RBMS3: variants seen among roughly 807,000 people sequenced by gnomAD.
RBMS3 encodes the protein RNA-binding motif, single-stranded-interacting protein 3.
A neutral mutation model predicts 66.8 loss-of-function variants in RBMS3; 27 were observed. The ratio of observed to expected loss-of-function variants is 0.40; its 90% CI spans 0.30 to 0.56. The LOEUF (loss-of-function observed/expected upper bound fraction) is 0.56. Ranked by LOEUF, RBMS3 falls within the 20% of genes least tolerant of loss-of-function variation. The pLI is 0.40. For synonymous variants in RBMS3, 188 were observed against 183.0 expected, an observed-to-expected ratio of 1.03 and a Z score of -0.22; for missense variants, 513 against 549.5, an observed-to-expected ratio of 0.93 and a Z score of 0.66.
At chr3:29,852,765 C>T (rs2058968549) in intron 6 of RBMS3, among the ~76,000 whole-genome samples, 1 of 152,124 alleles carries the variant, frequency 6.6e-6, no homozygotes, top group African/African-American at 2.4e-5. Context: ...TCTTCAAAGA[C>T]CTACGAATAG....
At chr3:29,602,897 C>T (rs576724374) in intron 4 of RBMS3, among the ~76,000 whole-genome samples, 2 of 152,100 alleles carry the variant, frequency 1.3e-5, no homozygotes, top group Admixed American at 1.3e-4. Context: ...TTGTCTCCCT[C>T]AGGCCCAAGG....
chr3:29,517,481 C>G (rs971579661), intron 3 of RBMS3, among the ~76,000 whole-genome samples: 43 of 151,938 alleles, frequency 2.8e-4, no homozygotes, highest in Non-Finnish European at 2.9e-5. Flanking sequence ...TGCCACCACG[C>G]CAGGCTAATT....
chr3:29,670,951 C>T (rs2050973660), intron 4 of RBMS3, among the ~76,000 whole-genome samples: 1 of 152,202 alleles, frequency 6.6e-6, no homozygotes, highest in Admixed American at 6.5e-5. Flanking sequence ...AGACTGCCTC[C>T]TCAAGTGAGA....
intron 2 of RBMS3, among the ~76,000 whole-genome samples, chr3:29,488,088 G>C (rs926581697): frequency 2.6e-5 from 4 of 152,210 alleles, no homozygotes; most frequent in Admixed American, 2.6e-4. Context: ...GTGAGAGTCA[G>C]AGCTGGATGC....
intron 4 of RBMS3, among the ~76,000 whole-genome samples, chr3:29,660,277 A>C (rs1267017560): frequency 1.3e-5 from 2 of 151,992 alleles, no homozygotes; most frequent in African/African-American, 2.4e-5. Flanking sequence ...TGCTATATTA[A>C]AATTTTAGTA....
At chr3:29,586,281 A>G (rs760735893) in intron 3 of RBMS3, among the ~76,000 whole-genome samples, 2 of 152,144 alleles carry the variant, frequency 1.3e-5, no homozygotes, top group Non-Finnish European at 2.9e-5. Flanking sequence ...TAGCTAGCTT[A>G]AGGACATACA....
intron 6 of RBMS3, among the ~76,000 whole-genome samples, chr3:29,858,925 C>A (rs1267173533): frequency 6.6e-6 from 1 of 152,160 alleles, no homozygotes; most frequent in Non-Finnish European, 1.5e-5. Context: ...AGTCAAATAG[C>A]TGTTCTCTGC....
intron 2 of RBMS3, among the ~76,000 whole-genome samples, chr3:29,468,719 T>C (rs894724294): frequency 1.4e-4 from 22 of 152,170 alleles, no homozygotes; most frequent in Non-Finnish European, 1.5e-5. Context: ...TTTTCTTTTT[T>C]CTTTTTGTTT....
chr3:29,317,148 A>T (rs1201095031), intron 1 of RBMS3, among the ~76,000 whole-genome samples: 1 of 151,792 alleles, frequency 6.6e-6, no homozygotes, highest in African/African-American at 2.4e-5. Flanking sequence ...TCTAAAAGGA[A>T]GCCTATTCAT....
intron 1 of RBMS3, among the ~76,000 whole-genome samples, chr3:29,295,215 TCTC>T (rs1380171763): frequency 6.7e-6 from 1 of 149,614 alleles, no homozygotes; most frequent in African/African-American, 2.4e-5. Flanking sequence ...TCTGCAGTGT[TCTC>T]CTCTGTCATA....
chr3:29,830,272 G>T (rs112115504), intron 6 of RBMS3, among the ~76,000 whole-genome samples: 1 of 151,856 alleles, frequency 6.6e-6, no homozygotes, highest in African/African-American at 2.4e-5. Flanking sequence ...TAAACATATC[G>T]GTGATCATAA....
chr3:29,443,864 A>C (rs1007656412), intron 2 of RBMS3, among the ~76,000 whole-genome samples: 1 of 152,098 alleles, frequency 6.6e-6, no homozygotes, highest in African/African-American at 2.4e-5. Context: ...GGTTAAGAGA[A>C]AGAGAAATTA....
intron 3 of RBMS3, among the ~76,000 whole-genome samples, chr3:29,526,040 T>A (rs1390778104): frequency 1.3e-5 from 2 of 152,180 alleles, no homozygotes; most frequent in Non-Finnish European, 2.9e-5. Context: ...GGAAATACTT[T>A]AATATTTCCA....
At chr3:29,682,887 A>C (rs1447965349) in intron 4 of RBMS3, among the ~76,000 whole-genome samples, 1 of 152,184 alleles carries the variant, frequency 6.6e-6, no homozygotes, top group African/African-American at 2.4e-5. Flanking sequence ...CAAACGTGTC[A>C]CCATTTGCCT....
intron 13 of RBMS3, among the ~76,000 whole-genome samples, chr3:29,988,677 A>G (rs1698602432): frequency 6.6e-6 from 1 of 152,166 alleles, no homozygotes; most frequent in African/African-American, 2.4e-5. Context: ...AATCCTTGCT[A>G]CTTGAGATGC....
rs145067204 is a variant in RBMS3, at chr3:29,861,609, G to A, written c.638-7249G>A. Among the ~76,000 whole-genome samples the A allele has an allele frequency of 6.3e-3, 964 of 152,222 alleles. 8 individuals carry two copies. The highest frequency in any genetic ancestry group is 0.021 in the African/African-American group (863 of 41,544). ...ATTTTAGTGACTTATCAAACTGCAC[G>A]TATTTTAAATTGTAAACAGAAAATC... On this transcript the variant is annotated intron_variant, in intron 6 of 14. Coordinates refer to ENST00000383767, the MANE Select transcript of RBMS3 (RefSeq NM_001003793.3).
At chr3:29,722,844 G>T (rs2053700274) in intron 4 of RBMS3, among the ~76,000 whole-genome samples, 1 of 152,044 alleles carries the variant, frequency 6.6e-6, no homozygotes, top group Admixed American at 6.6e-5. Flanking sequence ...ATCCCATTCT[G>T]CTGATACTAC....
At chr3:29,978,422 C>G (rs1219648453) in intron 12 of RBMS3, among the ~76,000 whole-genome samples, 1 of 151,848 alleles carries the variant, frequency 6.6e-6, no homozygotes, top group Non-Finnish European at 1.5e-5. Context: ...ACAAGTATTT[C>G]AAGTTCTGTT....
At chr3:29,964,690 T>G (rs1696714149) in intron 12 of RBMS3, among the ~76,000 whole-genome samples, 1 of 152,190 alleles carries the variant, frequency 6.6e-6, no homozygotes, top group Admixed American at 6.5e-5. Context: ...AATTTCTGAA[T>G]GCATTAACAT....
Sources: gnomAD v4.1 joint callset for allele counts (sites outside exome capture counted in the v4.1 genomes callset) on GRCh38, gnomAD v4.1.1 for gene constraint, MANE v1.5 for transcripts, NCBI Gene and HGNC (gene_info 2026-07-23, HGNC 2026-07-21) for gene names.